Variants in MBNL1 observed in about 807,000 individuals in gnomAD.
MBNL1 encodes the protein muscleblind-like protein 1.
A neutral mutation model predicts 42.2 loss-of-function variants in MBNL1; 8 were observed. That is an observed-to-expected ratio of 0.19 (90% CI 0.11 to 0.34). MBNL1 has a LOEUF of 0.34. Among genes scored for constraint, MBNL1 ranks in the 10% least tolerant of loss-of-function variants. The pLI, the probability that MBNL1 is intolerant of heterozygous loss-of-function variation, is 1.00. For synonymous variants in MBNL1, 169 were observed against 173.9 expected (o/e 0.97, Z 0.22); for missense variants, 309 against 495.3 (o/e 0.62, Z 3.57).
At chr3:152,379,005 C>T (rs2097057271) in intron 2 of MBNL1, among the ~76,000 whole-genome samples, 1 of 152,122 alleles carries the variant, frequency 6.6e-6, no homozygotes, top group African/African-American at 2.4e-5. Context: ...TATGAGCCAC[C>T]ATGCCTGGCC....
intron 8 of MBNL1, chr3:152,457,773 C>T (rs1049819261): frequency 4.7e-6 from 1 of 210,612 alleles, no homozygotes; most frequent in African/African-American, 2.3e-5. Context: ...ATGCGTCTAC[C>T]ATGTATGACT....
chr3:152,412,670 C>G (rs1485106065), intron 2 of MBNL1, among the ~76,000 whole-genome samples: 1 of 152,072 alleles, frequency 6.6e-6, no homozygotes, highest in East Asian at 1.9e-4. Context: ...ACCAAACACA[C>G]GTGATTTCTC....
At chr3:152,350,118 AAGG>A (rs1447133840) in intron 2 of MBNL1, among the ~76,000 whole-genome samples, 1 of 152,136 alleles carries the variant, frequency 6.6e-6, no homozygotes, top group Non-Finnish European at 1.5e-5. Context: ...AGCAGTCAGA[AAGG>A]AGGGAAATCA....
chr3:152,433,641 T>TCGG (rs2099037266), intron 4 of MBNL1, among the ~76,000 whole-genome samples: 2 of 150,720 alleles, frequency 1.3e-5, no homozygotes, highest in Non-Finnish European at 2.9e-5. Context: ...TCCCAGCTAC[T>TCGG]CGGGAGGCTG....
intron 2 of MBNL1, among the ~76,000 whole-genome samples, chr3:152,359,824 A>G (rs1052552791): frequency 2.6e-5 from 4 of 152,198 alleles, no homozygotes; most frequent in African/African-American, 9.7e-5. Context: ...GCTAGGAGAG[A>G]GTTCAGACAT....
intron 3 of MBNL1, among the ~76,000 whole-genome samples, chr3:152,426,492 T>G (rs1300715776): frequency 6.6e-6 from 1 of 152,222 alleles, no homozygotes; most frequent in Non-Finnish European, 1.5e-5. Flanking sequence ...AGGCTGTATA[T>G]CATGGCTTGC....
At chr3:152,438,442 G>T (rs986098297) in intron 4 of MBNL1, among the ~76,000 whole-genome samples, 7 of 152,054 alleles carry the variant, frequency 4.6e-5, no homozygotes, top group Admixed American at 2.6e-4. Flanking sequence ...ATCCCACAGA[G>T]GTACTAAAAT....
chr3:152,278,477 G>A (rs2046550002), intron 1 of MBNL1, among the ~76,000 whole-genome samples: 2 of 151,974 alleles, frequency 1.3e-5, no homozygotes, highest in South Asian at 4.1e-4. Flanking sequence ...TCCTTCAATA[G>A]GAAAGACTTT....
intron 2 of MBNL1, among the ~76,000 whole-genome samples, chr3:152,262,286 A>G (rs2036426127): frequency 1.3e-5 from 2 of 152,234 alleles, no homozygotes; most frequent in South Asian, 2.1e-4. Context: ...AGAAACAGAT[A>G]TATGAAACTC....
intron 2 of MBNL1, among the ~76,000 whole-genome samples, chr3:152,248,329 CTT>C (rs914364593): frequency 4.6e-5 from 7 of 151,940 alleles, no homozygotes; most frequent in African/African-American, 1.7e-4. Flanking sequence ...ACCAGAAACT[CTT>C]GTTACACTTC....
chr3:152,270,796 T>C (rs1383401179), intron 1 of MBNL1, among the ~76,000 whole-genome samples: 1 of 152,076 alleles, frequency 6.6e-6, no homozygotes, highest in African/African-American at 2.4e-5. Context: ...TGGGAGTTAC[T>C]TTATTATTAT....
chr3:152,315,209 GC>G (rs1299769976), intron 2 of MBNL1, among the ~76,000 whole-genome samples: 1 of 152,204 alleles, frequency 6.6e-6, no homozygotes, highest in Non-Finnish European at 1.5e-5. Context: ...TTTCGCAGTT[GC>G]CAAAAATGGT....
At chr3:152,423,060 A>T (rs111239863) in intron 3 of MBNL1, among the ~76,000 whole-genome samples, 143 of 152,340 alleles carry the variant, frequency 9.4e-4, no homozygotes, top group African/African-American at 3.3e-3. Context: ...GGGCAAACAA[A>T]TTCAAAAGCT....
intron 2 of MBNL1, among the ~76,000 whole-genome samples, chr3:152,361,540 A>T (rs1176218441): frequency 6.6e-6 from 1 of 151,648 alleles, no homozygotes; most frequent in Non-Finnish European, 1.5e-5. Flanking sequence ...GGGAGGGGCA[A>T]ATGCTAAGGG....
intron 9 of MBNL1, among the ~76,000 whole-genome samples, chr3:152,460,611 T>TAA (rs1288958334): frequency 1.6e-4 from 16 of 102,912 alleles, no homozygotes; most frequent in South Asian, 2.9e-4. Context: ...ACTTAAAGTA[T>TAA]AAAAAAAAAA....
intron 2 of MBNL1, among the ~76,000 whole-genome samples, chr3:152,407,448 C>G (rs777745670): frequency 3.4e-4 from 51 of 151,520 alleles, no homozygotes; most frequent in Middle Eastern, 3.4e-3. Flanking sequence ...ATTTTTTCAC[C>G]TTCTGTGGGG....
intron 2 of MBNL1, among the ~76,000 whole-genome samples, chr3:152,403,694 C>G (rs560683570): frequency 2.6e-5 from 4 of 151,990 alleles, no homozygotes; most frequent in Non-Finnish European, 4.4e-5. Context: ...CTCAGATAAC[C>G]TGTGTTGTGA....
intron 3 of MBNL1, among the ~76,000 whole-genome samples, chr3:152,422,508 T>TG (rs1167962701): frequency 6.6e-6 from 1 of 152,092 alleles, no homozygotes; most frequent in Non-Finnish European, 1.5e-5. Flanking sequence ...ATGGGAGACT[T>TG]TAACACCCCA....
chr3:152,355,500 A>G (rs2095448814), intron 2 of MBNL1, among the ~76,000 whole-genome samples: 1 of 152,212 alleles, frequency 6.6e-6, no homozygotes, highest in Non-Finnish European at 1.5e-5. Flanking sequence ...GTATTTGGTA[A>G]TCCTGGAAAT....
Sources: allele counts gnomAD v4.1 joint callset (sites outside exome capture counted in the v4.1 genomes callset), GRCh38; gene constraint gnomAD v4.1.1; transcripts MANE v1.5; gene names NCBI Gene and HGNC (gene_info 2026-07-23, HGNC 2026-07-21).